Variants in MACO1 observed in about 807,000 individuals in gnomAD.
MACO1 encodes macoilin 1.
Under a neutral mutation model 78.7 loss-of-function variants are expected in MACO1, and 14 were observed. That is an observed-to-expected ratio of 0.18 (90% CI 0.12 to 0.28). MACO1 has a LOEUF of 0.28. MACO1 is among the 10% of genes least tolerant of loss of function. The pLI is 1.00. For synonymous variants in MACO1, 288 were observed against 291.6 expected, an observed-to-expected ratio of 0.99 and a Z score of 0.12; for missense variants, 501 against 799.0, an observed-to-expected ratio of 0.63 and a Z score of 4.50.
rs184188860 is a variant in MACO1 at position 25,444,300 on chromosome 1, T to C, written c.81-2462T>C. Among the ~76,000 whole-genome samples, 131 of 152,056 alleles carry C rather than the reference T, an allele frequency of 8.6e-4. 1 individual carries two copies. The highest frequency in any genetic ancestry group is 3.7e-3 in the Admixed American group (57 of 15,266). The stretch of plus-strand genomic sequence containing the variant: ...TAAATAAAGAGATGGGGGTCTCACT[T>C]TGTTGACCAGGCTGGACTTGAACCC... On this transcript the variant is annotated intron_variant, in intron 1 of 10. Transcript: ENST00000374343.
rs781296211 is a variant in MACO1, at chr1:25,458,895, A to G, written c.1154+3A>G. The G allele has an allele frequency of 3.1e-6, 5 of 1,608,910 alleles. No individual in the cohort carries two copies. The highest frequency in any genetic ancestry group is 1.3e-5 in the African/African-American group (1 of 74,650). ...AGCAAACCAGACGCACTGGTCAGGT[A>G]AGTGCACATGCTGCATCCTTACTAA... On this transcript the variant is annotated splice_donor_region_variant and intron_variant, in intron 6 of 10. Coordinates refer to ENST00000374343, the MANE Select transcript of MACO1 (RefSeq NM_018202.6).
Position 25,480,911 on chromosome 1 carries a change from G to A in MACO1, c.1155-3205G>A, listed in dbSNP as rs1465224232. On this transcript the variant is annotated intron_variant, in intron 6 of 10. Transcript: ENST00000374343. ...AGCCTGGGCAACAGAGTGAGACTTGGTTAAAAAAAAAAAAAAAAATATATA... is the reference window on the plus strand; with the variant it reads ...AGCCTGGGCAACAGAGTGAGACTTGATTAAAAAAAAAAAAAAAAATATATA... Among the ~76,000 whole-genome samples the A allele has an allele frequency of 8.9e-5, 4 of 45,182 alleles. No individual in the cohort carries two copies. In the East Asian group the frequency reaches 1.9e-3, roughly 21 times the overall value. 29.6% of individuals were successfully genotyped at this position (45,182 alleles called of 152,430 possible).
rs1237850249 is a variant in MACO1, at chr1:25,484,071, G to T, written c.1155-45G>T. 1.9e-6 allele frequency: 3 copies of T among 1,566,632 alleles called. No homozygotes were observed. The Admixed American group carries it at 5.6e-5, about 29-fold the overall frequency. On this transcript the variant is annotated intron_variant, in intron 6 of 10. Transcript: ENST00000374343. Reference sequence around the variant, plus strand: ...CCACCAGGTCCCTCCCAGCTCTGTGGGTGCCCTCACCTAGATGAAAATGCT... The same window carrying T: ...CCACCAGGTCCCTCCCAGCTCTGTGTGTGCCCTCACCTAGATGAAAATGCT...
chr1:25,432,844 T>G (rs150447057), intron 1 of MACO1, among the ~76,000 whole-genome samples: 11 of 152,330 alleles, frequency 7.2e-5, no homozygotes, highest in Admixed American at 1.3e-4. Flanking sequence ...CCATATTGTT[T>G]ACGTGTTTTC....
intron 9 of MACO1, among the ~76,000 whole-genome samples, chr1:25,489,746 A>G (rs1300608781): frequency 1.3e-5 from 2 of 152,184 alleles, no homozygotes; most frequent in Non-Finnish European, 2.9e-5. Context: ...AGCCTGTTTT[A>G]TGGGCTGTGT....
chr1:25,431,914 CT>C (rs63096061), intron 1 of MACO1, among the ~76,000 whole-genome samples: 81,426 of 147,316 alleles, frequency 0.55, 22,699 homozygotes, highest in African/African-American at 0.65. Context: ...TCTCCAAACT[CT>C]TTTTTTTTTT....
chr1:25,481,178 C>G (rs562424400), intron 6 of MACO1, among the ~76,000 whole-genome samples: 1 of 151,866 alleles, frequency 6.6e-6, no homozygotes, highest in Non-Finnish European at 1.5e-5. Flanking sequence ...ACAATCTAGC[C>G]TCTACAGATT....
At chr1:25,470,249 C>T in intron 6 of MACO1, among the ~76,000 whole-genome samples, 1 of 152,184 alleles carries the variant, frequency 6.6e-6, no homozygotes, top group East Asian at 1.9e-4. Flanking sequence ...TATTTACTAT[C>T]TATCTTTCTA....
chr1:25,448,360 A>G (rs189454971), intron 2 of MACO1, among the ~76,000 whole-genome samples: 195 of 152,290 alleles, frequency 1.3e-3, no homozygotes, highest in Non-Finnish European at 2.0e-3. Context: ...GCTACTCAAG[A>G]GGCCGAGGCA....
At chr1:25,464,846 C>T (rs1310466313) in intron 6 of MACO1, among the ~76,000 whole-genome samples, 2 of 150,884 alleles carry the variant, frequency 1.3e-5, no homozygotes, top group African/African-American at 2.4e-5. Flanking sequence ...TTAGTAGAGA[C>T]GGTTTTTTAG....
In MACO1 at chr1:25,454,318, G is replaced by A. The variant is rs2043095558; in HGVS notation, c.409G>A (p.Ala137Thr). ...GATCCTCTTTGTTTATATTGAAGCAGCCATTAGATTTAAAGATCTCAAAAA... is the reference window on the plus strand; with the variant it reads ...GATCCTCTTTGTTTATATTGAAGCAACCATTAGATTTAAAGATCTCAAAAA... Reference protein sequence around the residue: ...LWILFVYIEAAIRFKDLKNFH... With the variant: ...LWILFVYIEATIRFKDLKNFH... The change falls in exon 4 of 11, where the codon GCC becomes ACC. Residue 137 changes from alanine to threonine, a missense_variant. Physicochemically the swap from Ala to Thr is moderately conservative, Grantham distance 58. Around this residue, in one of 5 missense-constraint regions of MACO1, gnomAD observed 171 missense variants for 292.1 expected, o/e 0.59. Coordinates refer to ENST00000374343, the MANE Select transcript of MACO1 (RefSeq NM_018202.6). 1.2e-6 allele frequency: 2 copies of A among 1,610,856 alleles called. No homozygotes were observed. The highest frequency in any genetic ancestry group is 1.1e-5 in the South Asian group (1 of 90,350).
chr1:25,466,138 T>C (rs2043217640), intron 6 of MACO1, among the ~76,000 whole-genome samples: 2 of 152,210 alleles, frequency 1.3e-5, no homozygotes, highest in South Asian at 4.1e-4. Context: ...AGTAGTGGGA[T>C]TGCTGGATCA....
intron 6 of MACO1, among the ~76,000 whole-genome samples, chr1:25,479,392 G>C (rs1315789306): frequency 6.6e-6 from 1 of 152,012 alleles, no homozygotes; most frequent in Admixed American, 6.6e-5. Context: ...CAACTATCTT[G>C]ATTCAGTTCA....
chr1:25,496,218 C>T (rs2124615803), intron 10 of MACO1, among the ~76,000 whole-genome samples: 1 of 150,554 alleles, frequency 6.6e-6, no homozygotes, highest in Admixed American at 6.6e-5. Flanking sequence ...CACAATCTTG[C>T]CTCACTACAA....
intron 4 of MACO1, among the ~76,000 whole-genome samples, chr1:25,454,720 G>C (rs1238068793): frequency 6.6e-6 from 1 of 151,866 alleles, no homozygotes; most frequent in Admixed American, 6.6e-5. Context: ...GACCTCAAGT[G>C]ATCCACCTGC....
At chr1:25,458,937 T>A (rs1247565095) in intron 6 of MACO1, 45 bp downstream of exon 6, 1 of 1,571,638 alleles carries the variant, frequency 6.4e-7, no homozygotes, top group East Asian at 2.2e-5. Flanking sequence ...CCAGTAAACT[T>A]GACATACTCT....
intron 6 of MACO1, among the ~76,000 whole-genome samples, chr1:25,465,608 G>C (rs754368828): frequency 6.6e-6 from 1 of 152,186 alleles, no homozygotes; most frequent in Non-Finnish European, 1.5e-5. Context: ...TGAGGTGTCT[G>C]TTAAAGTCTT....
At chr1:25,496,666 T>G (rs566781703) in intron 10 of MACO1, among the ~76,000 whole-genome samples, 5 of 151,746 alleles carry the variant, frequency 3.3e-5, no homozygotes, top group Non-Finnish European at 5.9e-5. Context: ...AGAACTCCAC[T>G]TTTTACTGGA....
intron 10 of MACO1, among the ~76,000 whole-genome samples, chr1:25,493,727 CTTTTTTTT>C (rs1189775109): frequency 1.1e-5 from 1 of 92,064 alleles, no homozygotes; most frequent in East Asian, 3.4e-4. Context: ...TAGTTTGATT[CTTTTTTTT>C]TTTTTTTTTT....
Sources: allele counts gnomAD v4.1 joint callset (sites outside exome capture counted in the v4.1 genomes callset), GRCh38; gene constraint gnomAD v4.1.1; regional missense constraint gnomAD v4.1.1; transcripts MANE v1.5; gene names NCBI Gene and HGNC (gene_info 2026-07-23, HGNC 2026-07-21).